Variants in ANKDD1A observed in about 807,000 individuals in gnomAD.
The protein encoded by ANKDD1A is ankyrin repeat and death domain containing 1A.
ANKDD1A carries 59 observed loss-of-function variants against 63.5 expected under a neutral mutation model. The observed-to-expected ratio is 0.93, with a 90% CI of 0.75 to 1.15. The LOEUF is 1.15. Ranked by LOEUF, ANKDD1A falls within the 50% of genes most tolerant of loss-of-function variation. The probability of loss-of-function intolerance (pLI) is 0.00; values close to 1 mark genes in which losing one functional copy is unlikely to be tolerated. For missense variants in ANKDD1A, 632 were observed against 656.4 expected (o/e 0.96, Z 0.41); for synonymous variants, 266 against 263.9 (o/e 1.01, Z -0.08).
At chr15:64,952,202 C>T (rs968111205) in intron 14 of ANKDD1A, among the ~76,000 whole-genome samples, 1 of 146,810 alleles carries the variant, frequency 6.8e-6, no homozygotes, top group African/African-American at 2.5e-5. Context: ...TCTTCTTCTT[C>T]TTTCCTCTTT....
chr15:64,931,985 C>G, intron 8 of ANKDD1A: 1 of 242,344 alleles, frequency 4.1e-6, no homozygotes, highest in Non-Finnish European at 8.0e-6. Flanking sequence ...CCTCCGCCTC[C>G]TGGGTTCAAG....
intron 14 of ANKDD1A, among the ~76,000 whole-genome samples, chr15:64,951,662 CTTT>C (rs1432032104): frequency 9.2e-5 from 7 of 75,958 alleles, no homozygotes; most frequent in South Asian, 4.9e-4. Flanking sequence ...CTTCTATCTT[CTTT>C]TTCTTTCTTT....
intron 3 of ANKDD1A, among the ~76,000 whole-genome samples, chr15:64,921,002 G>A (rs1263810794): frequency 3.3e-5 from 5 of 151,736 alleles, no homozygotes; most frequent in Admixed American, 6.6e-5. Flanking sequence ...ACAGGGTTTC[G>A]CTCTGTCACC....
rs115268452 is a variant in ANKDD1A at position 64,921,914 on chromosome 15, C to T, written c.268-7C>T. ...TCTTCTCACCTCCTCTATGTCCTCT[C>T]CCCTAGTTTGGGATGAATGCGCTTC... On this transcript the variant is annotated splice_region_variant and splice_polypyrimidine_tract_variant and intron_variant, in intron 3 of 14. Transcript: ENST00000319580. The T allele has an allele frequency of 4.6e-3, 7,456 of 1,613,730 alleles. 277 individuals carry two copies. In the African/African-American group the frequency reaches 0.08, roughly 17 times the overall value.
intron 9 of ANKDD1A, among the ~76,000 whole-genome samples, chr15:64,935,679 A>G (rs2085125962): frequency 6.6e-6 from 1 of 151,904 alleles, no homozygotes; most frequent in Non-Finnish European, 1.5e-5. Context: ...CGCCTCAAAA[A>G]AAAAAGAAAA....
intron 14 of ANKDD1A, among the ~76,000 whole-genome samples, chr15:64,953,570 TTC>T (rs2085347571): frequency 7.0e-6 from 1 of 143,462 alleles, no homozygotes; most frequent in Non-Finnish European, 1.6e-5. Context: ...TTCCTCCTTC[TTC>T]TTAGTTCTTC....
At chr15:64,952,327 TCTTCCTTCTC>T (rs1265856340) in intron 14 of ANKDD1A, among the ~76,000 whole-genome samples, 1 of 36,490 alleles carries the variant, frequency 2.7e-5, no homozygotes. Flanking sequence ...CTTTCTTCCT[TCTTCCTTCTC>T]CTTCTTCTTA....
chr15:64,921,457 C>T (rs1034339667), intron 3 of ANKDD1A, among the ~76,000 whole-genome samples: 1 of 152,192 alleles, frequency 6.6e-6, no homozygotes, highest in African/African-American at 2.4e-5. Context: ...TCACTGCAAC[C>T]TCCGTCTCCT....
intron 7 of ANKDD1A, among the ~76,000 whole-genome samples, 185 bp downstream of exon 7, chr15:64,931,105 T>A (rs1305855043): frequency 6.6e-6 from 1 of 152,134 alleles, no homozygotes; most frequent in East Asian, 1.9e-4. Context: ...GTACTTGGCA[T>A]GATGCCTCAC....
At chr15:64,941,127 T>C (rs1008527332) in intron 9 of ANKDD1A, among the ~76,000 whole-genome samples, 1 of 152,228 alleles carries the variant, frequency 6.6e-6, no homozygotes, top group Non-Finnish European at 1.5e-5. Flanking sequence ...TTTCTAATTA[T>C]ATCCTTCATA....
chr15:64,948,930 G>A (rs1400566385), intron 13 of ANKDD1A, among the ~76,000 whole-genome samples: 1 of 152,234 alleles, frequency 6.6e-6, no homozygotes, highest in African/African-American at 2.4e-5. Flanking sequence ...CTACGGATAA[G>A]AACTTTCATA....
chr15:64,939,032 CAAA>C (rs1197382549), intron 9 of ANKDD1A, among the ~76,000 whole-genome samples: 1 of 151,710 alleles, frequency 6.6e-6, no homozygotes, highest in Non-Finnish European at 1.5e-5. Context: ...TTAATTATGA[CAAA>C]AACATCATAC....
chr15:64,949,759 C>T, intron 13 of ANKDD1A, 82 bp from the exon 14 acceptor site: 5 of 1,558,218 alleles, frequency 3.2e-6, no homozygotes, highest in Admixed American at 1.7e-5. Flanking sequence ...GGAGGCGGTG[C>T]AGGGTGGCAT....
intron 8 of ANKDD1A, among the ~76,000 whole-genome samples, chr15:64,933,222 G>C (rs1362102550): frequency 6.6e-6 from 1 of 152,128 alleles, no homozygotes; most frequent in African/African-American, 2.4e-5. Context: ...ACTTTAGCAG[G>C]GTGGCTAGCT....
At chr15:64,949,752 G>GGC in intron 13 of ANKDD1A, 89 bp from the exon 14 acceptor site, 1 of 1,542,838 alleles carries the variant, frequency 6.5e-7, no homozygotes, top group South Asian at 1.2e-5. Flanking sequence ...ATGTTCAGGA[G>GGC]GCGGTGCAGG....
At chr15:64,933,418 C>T (rs887998917) in intron 8 of ANKDD1A, among the ~76,000 whole-genome samples, 9 of 152,206 alleles carry the variant, frequency 5.9e-5, no homozygotes, top group African/African-American at 2.2e-4. Flanking sequence ...CTTTGAGGCC[C>T]ACCAAGATCA....
chr15:64,920,692 C>T (rs992870064), intron 3 of ANKDD1A, among the ~76,000 whole-genome samples: 4 of 152,060 alleles, frequency 2.6e-5, no homozygotes, highest in African/African-American at 9.7e-5. Context: ...GCTGGGACTA[C>T]AGGCACGTAC....
At position 64,927,900 on chromosome 15, in the gene ANKDD1A, C is replaced by T. The variant is rs999098783; in HGVS notation, c.570+901C>T. Reference sequence around the variant, plus strand: ...GATTACACGCGTAAGCCATCGCGCCCGGCCTGTTACAGCAAATTCTAAATG... The same window carrying T: ...GATTACACGCGTAAGCCATCGCGCCTGGCCTGTTACAGCAAATTCTAAATG... On this transcript the variant is annotated intron_variant, in intron 6 of 14. Coordinates refer to ENST00000319580, the MANE Select transcript of ANKDD1A (RefSeq NM_182703.6). Among the ~76,000 whole-genome samples the T allele has an allele frequency of 3.9e-5, 6 of 152,146 alleles. No individual in the cohort carries two copies. In the East Asian group the frequency reaches 9.6e-4, roughly 24 times the overall value.
rs570267146 is a variant in ANKDD1A at position 64,952,489 on chromosome 15, G to A, written c.1483+2517G>A. ...TCTTCCTTCTCCTTCTTCTTCCTTC[G>A]TCACCGTCTTCTCCTTCTTCTTACT... On this transcript the variant is annotated intron_variant, in intron 14 of 14. Coordinates refer to ENST00000319580, the MANE Select transcript of ANKDD1A (RefSeq NM_182703.6). Among the ~76,000 whole-genome samples the A allele has an allele frequency of 9.0e-5, 10 of 110,574 alleles. No homozygotes were observed. In the South Asian group the frequency reaches 9.3e-4, roughly 10 times the overall value. The allele number at this position is 110,574 out of a possible 152,430, so 72.5% of individuals were successfully genotyped here. A position where few individuals can be genotyped will look rare whatever the true frequency, so the allele number is the denominator to read the frequency against.
Sources: gnomAD v4.1 joint callset for allele counts (sites outside exome capture counted in the v4.1 genomes callset) on GRCh38, gnomAD v4.1.1 for gene constraint, MANE v1.5 for transcripts, NCBI Gene and HGNC (gene_info 2026-07-23, HGNC 2026-07-21) for gene names.